The following RNF4 variants were observed in gnomAD, a reference collection of about 807,000 sequenced individuals.
The protein encoded by RNF4 is E3 ubiquitin-protein ligase RNF4.
RNF4 carries 7 observed loss-of-function variants against 24.3 expected under a neutral mutation model. That is an observed-to-expected ratio of 0.29 (90% CI 0.16 to 0.54). The LOEUF (loss-of-function observed/expected upper bound fraction) is 0.54, where lower values mean the gene tolerates loss of function less well. Among genes scored for constraint, RNF4 ranks in the 20% least tolerant of loss-of-function variants. The probability of loss-of-function intolerance (pLI) is 0.95; values close to 1 mark genes in which losing one functional copy is unlikely to be tolerated. For missense variants in RNF4, 209 were observed against 248.5 expected (o/e 0.84, Z 1.07); for synonymous variants, 83 against 84.3 (o/e 0.98, Z 0.09).
intron 1 of RNF4, among the ~76,000 whole-genome samples, chr4:2,485,853 A>C (rs1735391335): frequency 6.6e-6 from 1 of 152,158 alleles, no homozygotes; most frequent in African/African-American, 2.4e-5. Context: ...ACTGGACGAG[A>C]GACTGGAGGA....
intron 2 of RNF4, among the ~76,000 whole-genome samples, chr4:2,494,956 CTATT>C (rs1735689890): frequency 6.6e-6 from 1 of 152,296 alleles, no homozygotes; most frequent in African/African-American, 2.4e-5. Flanking sequence ...AGAGAAGTTA[CTATT>C]TATTTCTAAT....
rs532351181 is a variant in RNF4, at chr4:2,513,798, G to A, written c.552G>A (p.Arg184=). The change falls in exon 8 of 8, where the codon CGG becomes CGA. Residue 184 remains arginine, a synonymous_variant. Transcript: ENST00000314289. ...GTAGGAAAAAGATCAACCACAAACG[G>A]TACCACCCCATTTATATATGAAGTA... ...PTCRKKINHK[R]YHPIYI is the part of the protein sequence containing the mutation. 2 of 1,613,860 alleles carry A rather than the reference G, an allele frequency of 1.2e-6. No individual in the cohort carries two copies. Among genetic ancestry groups the A allele is most frequent in the South Asian group, 1.1e-5 (1 of 91,080 alleles).
intron 2 of RNF4, 147 bp from the exon 3 acceptor site, chr4:2,496,860 G>C (rs1735751060): frequency 1.7e-6 from 1 of 586,532 alleles, no homozygotes; most frequent in Non-Finnish European, 3.0e-6. Flanking sequence ...CAGTATTCTT[G>C]AATCTCAAGT....
At chr4:2,508,701 C>G (rs1356862340) in intron 4 of RNF4, among the ~76,000 whole-genome samples, 1 of 152,142 alleles carries the variant, frequency 6.6e-6, no homozygotes, top group East Asian at 1.9e-4. Context: ...ACCTCCACCT[C>G]CCAGGTTCAA....
chr4:2,501,294 G>A (rs957362020), intron 4 of RNF4, among the ~76,000 whole-genome samples: 12 of 152,248 alleles, frequency 7.9e-5, no homozygotes, highest in African/African-American at 1.4e-4. Context: ...GAAAGGGAAC[G>A]TTGGCTCAGC....
intron 1 of RNF4, among the ~76,000 whole-genome samples, chr4:2,482,179 G>T (rs940897700): frequency 6.6e-6 from 1 of 152,208 alleles, no homozygotes; most frequent in African/African-American, 2.4e-5. Flanking sequence ...GCCCCCTCTG[G>T]TGTGCCCTTC....
intron 7 of RNF4, 41 bp from the exon 8 acceptor site, chr4:2,513,629 C>T (rs1736330443): frequency 6.2e-7 from 1 of 1,609,518 alleles, no homozygotes; most frequent in African/African-American, 1.3e-5. Context: ...TGCTCTGGGA[C>T]AAGGGCAAAC....
intron 1 of RNF4, among the ~76,000 whole-genome samples, chr4:2,486,079 C>T (rs1735397261): frequency 6.6e-6 from 1 of 152,194 alleles, no homozygotes. Context: ...GCTCTGTTTA[C>T]TAGGTGTGGA....
chr4:2,509,325 C>A (rs756097747), intron 4 of RNF4, among the ~76,000 whole-genome samples: 3 of 152,000 alleles, frequency 2.0e-5, no homozygotes, highest in Non-Finnish European at 2.9e-5. Context: ...TCAAGTGATT[C>A]TCCTGCTTCA....
At chr4:2,486,761 C>T (rs704353) in intron 1 of RNF4, among the ~76,000 whole-genome samples, 29,604 of 152,112 alleles carry the variant, frequency 0.19, 3,216 homozygotes, top group East Asian at 0.38. Flanking sequence ...TAGGAACAGC[C>T]TGGGTGTGGA....
At chr4:2,500,121 CA>C (rs1430379850) in intron 3 of RNF4, among the ~76,000 whole-genome samples, 1 of 146,988 alleles carries the variant, frequency 6.8e-6, no homozygotes, top group Non-Finnish European at 1.5e-5. Context: ...CGCACCACTG[CA>C]CTCCAGCCTT....
intron 3 of RNF4, chr4:2,497,355 C>T (rs1735770088): frequency 2.9e-6 from 1 of 341,846 alleles, no homozygotes. Context: ...AAAAATCTAG[C>T]GCAAATGAGA....
chr4:2,477,581 C>G (rs1235316534), intron 1 of RNF4, among the ~76,000 whole-genome samples: 6 of 151,744 alleles, frequency 4.0e-5, no homozygotes, highest in Admixed American at 2.6e-4. Context: ...TAGACTTAAT[C>G]TAAAAAAACA....
At chr4:2,469,484 C>G (rs1353307415) in intron 1 of RNF4, 1 of 152,210 alleles carries the variant, frequency 6.6e-6, no homozygotes, top group Non-Finnish European at 1.5e-5. Flanking sequence ...TGGGTCTCGG[C>G]TCACCCTGGG....
At chr4:2,510,531 C>T (rs979499785) in intron 4 of RNF4, among the ~76,000 whole-genome samples, 2 of 152,234 alleles carry the variant, frequency 1.3e-5, no homozygotes, top group African/African-American at 4.8e-5. Context: ...TGCCAACACC[C>T]TCAGCAGCTC....
In RNF4 at chr4:2,515,531, T is replaced by C. The variant is rs542001010; in HGVS notation, c.*1712T>C. On this transcript the variant is annotated 3_prime_UTR_variant, in exon 8 of 8. Coordinates refer to ENST00000314289, the MANE Select transcript of RNF4 (RefSeq NM_002938.5). ...GCCCAGACTTGGAGCAAGGCAACCT[T>C]GGAGTCAGTCCACTCATAAAATATG... The C allele has an allele frequency of 6.6e-6, 1 of 152,416 alleles. No homozygotes were observed. Among genetic ancestry groups the C allele is most frequent in the Non-Finnish European group, 1.5e-5 (1 of 68,040 alleles). The allele number at this position is 152,416 out of a possible 1,614,324, so 9.4% of individuals were successfully genotyped here. A position where few individuals can be genotyped will look rare whatever the true frequency, so the allele number is the denominator to read the frequency against.
intron 3 of RNF4, among the ~76,000 whole-genome samples, chr4:2,498,846 G>A (rs191941433): frequency 8.5e-5 from 13 of 152,152 alleles, no homozygotes; most frequent in East Asian, 1.9e-4. Context: ...AGCCGTGATC[G>A]TGCCACTGCA....
chr4:2,494,085 C>G (rs555843544), intron 2 of RNF4, among the ~76,000 whole-genome samples: 2 of 151,556 alleles, frequency 1.3e-5, no homozygotes, highest in African/African-American at 4.9e-5. Context: ...TCGTGATCCA[C>G]GAGAATGGGG....
chr4:2,470,049 A>G (rs1489286047), intron 1 of RNF4: 1 of 152,232 alleles, frequency 6.6e-6, no homozygotes, highest in Non-Finnish European at 1.5e-5. Context: ...TTTGGTAGGG[A>G]TTTCAGCTTT....
Sources: allele counts gnomAD v4.1 joint callset (sites outside exome capture counted in the v4.1 genomes callset), GRCh38; gene constraint gnomAD v4.1.1; transcripts MANE v1.5; gene names NCBI Gene and HGNC (gene_info 2026-07-23, HGNC 2026-07-21).